HEMK2: variants seen among roughly 807,000 people sequenced by gnomAD.
HEMK2 encodes methyltransferase HEMK2.
the HEMK2 span, chr21:28,577,133 T>G: frequency 6.6e-6 from 1 of 152,208 alleles, no homozygotes; most frequent in Admixed American, 6.5e-5. Flanking sequence ...CCTGGCACAG[T>G]GTTGACTGGA....
At chr21:28,588,698 C>T in the HEMK2 span, among the ~76,000 whole-genome samples, 34 of 152,126 alleles carry the variant, frequency 2.2e-4, no homozygotes, top group South Asian at 4.1e-4. Flanking sequence ...GATCCGGGTG[C>T]GGTGGCTCAT....
the HEMK2 span, among the ~76,000 whole-genome samples, chr21:28,685,020 G>A: frequency 6.6e-6 from 1 of 152,306 alleles, no homozygotes; most frequent in Middle Eastern, 3.4e-3. Context: ...TTTGTGGAGA[G>A]GTGACTGGTG....
the HEMK2 span, among the ~76,000 whole-genome samples, chr21:28,693,259 C>G: frequency 6.6e-6 from 1 of 152,032 alleles, no homozygotes; most frequent in Admixed American, 6.6e-5. Context: ...CAGATGAGAA[C>G]AGGAGAGGAA....
the HEMK2 span, among the ~76,000 whole-genome samples, chr21:28,870,389 A>C: frequency 6.6e-6 from 1 of 150,860 alleles, no homozygotes; most frequent in Non-Finnish European, 1.5e-5. Flanking sequence ...TGTTCAGTTA[A>C]TTTTCAAAAT....
At chr21:28,871,929 A>C in the HEMK2 span, among the ~76,000 whole-genome samples, 1 of 110,996 alleles carries the variant, frequency 9.0e-6, no homozygotes, top group Non-Finnish European at 2.4e-5. Flanking sequence ...TGTTCTTACA[A>C]GGACACAAGA....
At chr21:28,586,511 C>T in the HEMK2 span, among the ~76,000 whole-genome samples, 11 of 151,666 alleles carry the variant, frequency 7.3e-5, no homozygotes, top group African/African-American at 9.7e-5. Context: ...ATGGTAACAA[C>T]GAATCACTGC....
chr21:28,878,050 C>T, the HEMK2 span: 1 of 625,810 alleles, frequency 1.6e-6, no homozygotes. Context: ...TAAATTTATG[C>T]CTGTATTAGC....
the HEMK2 span, among the ~76,000 whole-genome samples, chr21:28,766,212 G>C: frequency 6.6e-6 from 1 of 152,034 alleles, no homozygotes; most frequent in South Asian, 2.1e-4. Context: ...TAAATGATGA[G>C]TTGATGGGTG....
chr21:28,882,355 G>GAA, the HEMK2 span: 116 of 570,996 alleles, frequency 2.0e-4, no homozygotes, highest in Middle Eastern at 6.1e-4. Flanking sequence ...AACAGATTTA[G>GAA]AAAAAAAAAA....
At chr21:28,583,572 G>A in the HEMK2 span, among the ~76,000 whole-genome samples, 2 of 152,164 alleles carry the variant, frequency 1.3e-5, no homozygotes, top group Non-Finnish European at 2.9e-5. Context: ...TCCTGAACAC[G>A]TCGTTTCAGG....
At chr21:28,697,698 T>C in the HEMK2 span, among the ~76,000 whole-genome samples, 2 of 138,072 alleles carry the variant, frequency 1.4e-5, no homozygotes, top group Non-Finnish European at 3.0e-5. Context: ...ACTTTCACCA[T>C]GAGTGGAAGC....
chr21:28,755,555 T>G, the HEMK2 span, among the ~76,000 whole-genome samples: 1 of 152,198 alleles, frequency 6.6e-6, no homozygotes, highest in African/African-American at 2.4e-5. Context: ...GGAAGAGCTC[T>G]GGAAGGCTTG....
At chr21:28,796,705 C>A in the HEMK2 span, among the ~76,000 whole-genome samples, 2 of 152,134 alleles carry the variant, frequency 1.3e-5, no homozygotes, top group African/African-American at 4.8e-5. Context: ...GCTGGGACCA[C>A]AGGTACATGC....
the HEMK2 span, among the ~76,000 whole-genome samples, chr21:28,741,981 CAA>C: frequency 1.3e-5 from 2 of 152,152 alleles, no homozygotes; most frequent in Admixed American, 6.5e-5. Context: ...GGAATCACCA[CAA>C]GAGAGAGCCT....
the HEMK2 span, among the ~76,000 whole-genome samples, chr21:28,878,001 G>A: frequency 1.3e-5 from 2 of 152,096 alleles, no homozygotes; most frequent in Non-Finnish European, 2.9e-5. Flanking sequence ...TTTAAAATCA[G>A]AAAAATTTAC....
the HEMK2 span, among the ~76,000 whole-genome samples, chr21:28,855,845 C>A: frequency 6.6e-6 from 1 of 152,096 alleles, no homozygotes; most frequent in African/African-American, 2.4e-5. Context: ...ATAGCAGAAT[C>A]TCTGGGACAC....
At chr21:28,786,667 C>CAAAAAAAAAA in the HEMK2 span, among the ~76,000 whole-genome samples, 1 of 92,044 alleles carries the variant, frequency 1.1e-5, no homozygotes. Context: ...GTGAGACTGT[C>CAAAAAAAAAA]AAAAAAAAAA....
the HEMK2 span, among the ~76,000 whole-genome samples, chr21:28,586,584 T>C: frequency 5.3e-5 from 8 of 152,204 alleles, no homozygotes; most frequent in Admixed American, 5.2e-4. Context: ...TGCCTCTGAG[T>C]TTCCTCTTAT....
At chr21:28,815,144 A>G in the HEMK2 span, among the ~76,000 whole-genome samples, 2 of 149,186 alleles carry the variant, frequency 1.3e-5, no homozygotes. Flanking sequence ...AAAACCACAC[A>G]CCGCATGTTC....
Sources: gnomAD v4.1 joint callset for allele counts (sites outside exome capture counted in the v4.1 genomes callset) on GRCh38, gnomAD v4.1.1 for gene constraint, MANE v1.5 for transcripts, NCBI Gene and HGNC (gene_info 2026-07-23, HGNC 2026-07-21) for gene names.